Variants in MKRN1 observed in about 807,000 individuals in gnomAD.
The protein encoded by MKRN1 is E3 ubiquitin-protein ligase makorin-1.
A neutral mutation model predicts 55.5 loss-of-function variants in MKRN1; 9 were observed. The observed-to-expected ratio is 0.16, with a 90% CI of 0.10 to 0.28. The LOEUF (loss-of-function observed/expected upper bound fraction) is 0.28. Among genes scored for constraint, MKRN1 ranks in the 10% least tolerant of loss-of-function variants. The pLI, the probability that MKRN1 is intolerant of heterozygous loss-of-function variation, is 1.00. For missense variants in MKRN1, 488 were observed against 626.7 expected, an observed-to-expected ratio of 0.78 and a Z score of 2.36; for synonymous variants, 253 against 235.9, an observed-to-expected ratio of 1.07 and a Z score of -0.66.
intron 2 of MKRN1, among the ~76,000 whole-genome samples, chr7:140,468,724 A>AAAAAAAAAAAC (rs1794839341): frequency 1.3e-5 from 2 of 151,260 alleles, no homozygotes; most frequent in African/African-American, 2.4e-5. Flanking sequence ...AAAAAAAAAA[A>AAAAAAAAAAAC]AGACATGCCT....
intron 2 of MKRN1, among the ~76,000 whole-genome samples, chr7:140,461,008 A>G (rs1794602228): frequency 6.6e-6 from 1 of 152,192 alleles, no homozygotes; most frequent in South Asian, 2.1e-4. Context: ...TTCCACTCTA[A>G]TTAGGAGTTT....
intron 1 of MKRN1, chr7:140,472,246 G>C (rs898379569): frequency 2.1e-6 from 1 of 468,242 alleles, no homozygotes; most frequent in Non-Finnish European, 3.9e-6. Flanking sequence ...ACCAGCCTGG[G>C]CAACATGGTG....
chr7:140,473,305 A>T (rs765180570), intron 1 of MKRN1: 1 of 447,434 alleles, frequency 2.2e-6, no homozygotes, highest in South Asian at 1.6e-5. Context: ...AGTTCCTTCC[A>T]CTGTGCAGAC....
intron 2 of MKRN1, among the ~76,000 whole-genome samples, chr7:140,467,710 C>T (rs1295704908): frequency 3.3e-5 from 5 of 152,060 alleles, no homozygotes; most frequent in African/African-American, 1.2e-4. Flanking sequence ...ATGGTTAATA[C>T]ACAGAGCCCA....
At chr7:140,457,052 GT>G in intron 4 of MKRN1, 186 bp from the exon 5 acceptor site, 1 of 617,194 alleles carries the variant, frequency 1.6e-6, no homozygotes, top group Non-Finnish European at 2.7e-6. Flanking sequence ...TTGTTTGTTT[GT>G]TTTTGCGGTG....
chr7:140,474,848 G>A lies in MKRN1; in HGVS notation c.186-2837C>T, dbSNP rs558686580. 1.3e-3 allele frequency among the ~76,000 whole-genome samples: 197 copies of A among 151,536 alleles called. 1 individual carries two copies. Among genetic ancestry groups the A allele is most frequent in the Non-Finnish European group, 2.3e-3 (158 of 67,890 alleles). On this transcript the variant is annotated intron_variant, in intron 1 of 7. Transcript: ENST00000255977. The stretch of plus-strand genomic sequence containing the variant: ...ATTCTCCCACCTCAGCCTCCAGAGT[G>A]GCTGGGATTACAGGTGCCCGCCACC...
intron 2 of MKRN1, among the ~76,000 whole-genome samples, chr7:140,471,191 C>G (rs1324294375): frequency 6.6e-6 from 1 of 152,088 alleles, no homozygotes; most frequent in Non-Finnish European, 1.5e-5. Context: ...TGAGACCAGC[C>G]TACGCAACAT....
chr7:140,454,766 C>T (rs373993370), intron 7 of MKRN1, 37 bp from the exon 8 acceptor site: 34 of 1,584,368 alleles, frequency 2.1e-5, no homozygotes, highest in East Asian at 1.8e-4. Context: ...ATGGCACTGT[C>T]GAGCAGTATC....
At chr7:140,471,135 C>T (rs2130340290) in intron 2 of MKRN1, among the ~76,000 whole-genome samples, 1 of 152,232 alleles carries the variant, frequency 6.6e-6, no homozygotes, top group East Asian at 1.9e-4. Flanking sequence ...GTAATCCCAA[C>T]ACTTTTCGGA....
intron 2 of MKRN1, among the ~76,000 whole-genome samples, chr7:140,467,045 T>C (rs1051437832): frequency 2.6e-5 from 4 of 151,794 alleles, no homozygotes; most frequent in African/African-American, 9.7e-5. Flanking sequence ...TGGTACGATC[T>C]TGGCTCACCA....
rs1450524704 is a variant in MKRN1, at chr7:140,453,931, C to T, written c.*586G>A. On this transcript the variant is annotated 3_prime_UTR_variant, in exon 8 of 8. Coordinates refer to ENST00000255977, the MANE Select transcript of MKRN1 (RefSeq NM_013446.4). ...GTAAAAAATCTCAACACATTCACAC[C>T]TGATTCTGGTTACCCAGTAGTATTA... is the stretch of plus-strand genomic sequence containing the variant. 6.4e-6 allele frequency: 1 copy of T among 157,364 alleles called. No individual in the cohort carries two copies. Among genetic ancestry groups the T allele is most frequent in the Non-Finnish European group, 1.4e-5 (1 of 70,544 alleles). The allele number at this position is 157,364 out of a possible 1,614,324, so 9.7% of individuals were successfully genotyped here.
intron 2 of MKRN1, among the ~76,000 whole-genome samples, chr7:140,469,443 T>C (rs1234286042): frequency 1.3e-5 from 2 of 152,210 alleles, no homozygotes; most frequent in Non-Finnish European, 2.9e-5. Context: ...ATCCTCTCCC[T>C]TTACATGTGG....
rs563645827 is a variant in MKRN1, at chr7:140,466,810, C to CAAAA, written c.314+5069_314+5072dup. Reference sequence around the variant, plus strand: ...TGGGCGACAGAGCGAGACTCCGTCTCAAAAAAAAAAAAAAAAAAAAAAAGA... The same window carrying CAAAA: ...TGGGCGACAGAGCGAGACTCCGTCTCAAAAAAAAAAAAAAAAAAAAAAAAAAAGA... On this transcript the variant is annotated intron_variant, in intron 2 of 7. Transcript: ENST00000255977. Among the ~76,000 whole-genome samples the CAAAA allele has an allele frequency of 9.8e-4, 85 of 87,146 alleles. 1 individual carries two copies. Among genetic ancestry groups the CAAAA allele is most frequent in the African/African-American group, 3.9e-3 (76 of 19,532 alleles). 57.2% of individuals were successfully genotyped at this position (87,146 alleles called of 152,430 possible). A position where few individuals can be genotyped will look rare whatever the true frequency, so the allele number is the denominator to read the frequency against.
In MKRN1 at chr7:140,453,376, C is replaced by A. The variant is rs1436590307; in HGVS notation, c.*1141G>T. 1 of 152,580 alleles carries A rather than the reference C, an allele frequency of 6.6e-6. No homozygotes were observed. Among genetic ancestry groups the A allele is most frequent in the Admixed American group, 6.5e-5 (1 of 15,268 alleles). The allele number at this position is 152,580 out of a possible 1,614,324, so 9.5% of individuals were successfully genotyped here. ...ACCCATTACTCCACTACAATAAACA[C>A]CTTAGAACAGAGTTTTGAATCACGT... On this transcript the variant is annotated 3_prime_UTR_variant, in exon 8 of 8. Transcript: ENST00000255977.
chr7:140,472,110 C>G, intron 1 of MKRN1, 99 bp from the exon 2 acceptor site: 1 of 1,493,418 alleles, frequency 6.7e-7, no homozygotes. Context: ...AGTAAATACA[C>G]AAACATACGA....
intron 1 of MKRN1, chr7:140,473,210 CAAAAAAAAAAAA>C: frequency 2.7e-6 from 1 of 370,060 alleles, no homozygotes; most frequent in Non-Finnish European, 5.2e-6. Flanking sequence ...ATGATACCAC[CAAAAAAAAAAAA>C]AAAAACATCA....
Position 140,455,167 on chromosome 7 carries a change from G to A in MKRN1, c.1164C>T (p.Tyr388=), listed in dbSNP as rs534521262. ...GSCPFGGNCF[Y]KHAYPDGRRE... The stretch of plus-strand genomic sequence containing the variant: ...TACGGCCATCAGGGTACGCATGCTT[G>A]TAAAAACAGTTCCCTCCAAATGGGC... The change falls in exon 7 of 8, where the codon TAC becomes TAT. Residue 388 remains tyrosine (Y), a synonymous_variant. Transcript: ENST00000255977. 2 of 1,613,926 alleles carry A rather than the reference G, an allele frequency of 1.2e-6. No individual in the cohort carries two copies. Among genetic ancestry groups the A allele is most frequent in the Non-Finnish European group, 1.7e-6 (2 of 1,180,004 alleles).
At chr7:140,467,075 T>A (rs1794795667) in intron 2 of MKRN1, among the ~76,000 whole-genome samples, 1 of 151,964 alleles carries the variant, frequency 6.6e-6, no homozygotes, top group South Asian at 2.1e-4. Context: ...CCTCCCGGGT[T>A]CAAGTGATTC....
intron 2 of MKRN1, among the ~76,000 whole-genome samples, chr7:140,467,833 C>CA (rs1794816078): frequency 6.6e-6 from 1 of 151,648 alleles, no homozygotes; most frequent in Non-Finnish European, 1.5e-5. Context: ...AGAAACCCCG[C>CA]CTCTACTAAA....
Sources: gnomAD v4.1 joint callset for allele counts (sites outside exome capture counted in the v4.1 genomes callset) on GRCh38, gnomAD v4.1.1 for gene constraint, MANE v1.5 for transcripts, NCBI Gene and HGNC (gene_info 2026-07-23, HGNC 2026-07-21) for gene names.